USP25: variants seen among roughly 807,000 people sequenced by gnomAD.
USP25 encodes the protein ubiquitin specific peptidase 25.
A neutral mutation model predicts 158.5 loss-of-function variants in USP25; 85 were observed. That is an observed-to-expected ratio of 0.54 (90% CI 0.45 to 0.64). The LOEUF is 0.64. Ranked by LOEUF, USP25 falls within the 30% of genes least tolerant of loss-of-function variation. The pLI is 0.00. For missense variants in USP25, 1,242 were observed against 1,327.3 expected (o/e 0.94, Z 1.00); for synonymous variants, 464 against 460.4 (o/e 1.01, Z -0.10).
chr21:15,765,343 C>G (rs1014287739), intron 2 of USP25, among the ~76,000 whole-genome samples: 1 of 152,102 alleles, frequency 6.6e-6, no homozygotes, highest in South Asian at 2.1e-4. Context: ...CTGGCATCTG[C>G]TTTCTTCTAA....
chr21:15,824,384 G>A (rs1285080351), intron 11 of USP25, among the ~76,000 whole-genome samples: 1 of 152,068 alleles, frequency 6.6e-6, no homozygotes, highest in Non-Finnish European at 1.5e-5. Context: ...GATGAATTTT[G>A]TAATCTTAAA....
intron 20 of USP25, among the ~76,000 whole-genome samples, chr21:15,861,462 T>G (rs185309051): frequency 2.0e-3 from 303 of 152,282 alleles, no homozygotes; most frequent in Admixed American, 4.0e-3. Flanking sequence ...TTAAAATAAT[T>G]AGCATAGACC....
chr21:15,864,167 A>G, intron 20 of USP25, 101 bp from the exon 21 acceptor site: 1 of 1,302,904 alleles, frequency 7.7e-7, no homozygotes, highest in Non-Finnish European at 1.0e-6. Context: ...CCAAAAAAAA[A>G]AAAAAGATTT....
chr21:15,740,879 C>T (rs899414281), intron 1 of USP25, among the ~76,000 whole-genome samples: 10 of 151,612 alleles, frequency 6.6e-5, no homozygotes, highest in African/African-American at 1.9e-4. Flanking sequence ...CTACACCACC[C>T]CCCACCCCCA....
chr21:15,834,853 C>T (rs902285900), intron 17 of USP25, among the ~76,000 whole-genome samples: 1 of 152,196 alleles, frequency 6.6e-6, no homozygotes, highest in African/African-American at 2.4e-5. Context: ...TTTTCCCCCA[C>T]GTGTACAAGG....
intron 4 of USP25, among the ~76,000 whole-genome samples, chr21:15,785,290 T>C (rs1165088697): frequency 6.6e-6 from 1 of 152,116 alleles, no homozygotes; most frequent in Non-Finnish European, 1.5e-5. Flanking sequence ...TAGACTCCAG[T>C]ACAACAATAG....
chr21:15,846,158 ATTTT>A (rs397973617), intron 18 of USP25, among the ~76,000 whole-genome samples: 2 of 23,942 alleles, frequency 8.4e-5, no homozygotes, highest in Non-Finnish European at 1.4e-4. Flanking sequence ...ATATATATAT[ATTTT>A]TTTTTTTTTT....
intron 6 of USP25, among the ~76,000 whole-genome samples, chr21:15,802,982 C>T (rs1174292972): frequency 6.6e-6 from 1 of 151,608 alleles, no homozygotes; most frequent in East Asian, 1.9e-4. Context: ...TCACTACATA[C>T]TCTGTAGACA....
chr21:15,811,290 T>C (rs2036650143), intron 9 of USP25, 80 bp downstream of exon 9: 3 of 1,260,952 alleles, frequency 2.4e-6, no homozygotes, highest in Non-Finnish European at 3.4e-6. Context: ...TACTATTTTT[T>C]TAGTGGACTT....
Position 15,826,988 on chromosome 21 carries a change from A to C in USP25, c.1478A>C (p.Gln493Pro). 6.2e-7 allele frequency: 1 copy of C among 1,613,730 alleles called. No homozygotes were observed. The highest frequency in any genetic ancestry group is 8.5e-7 in the Non-Finnish European group (1 of 1,180,008). The change falls in exon 14 of 26, where the codon CAA (glutamine) becomes CCA (proline). Residue 493 changes from glutamine to proline, a missense_variant. This residue lies in a region of USP25 where 627 missense variants were observed against 701.4 expected (regional missense o/e 0.89). Coordinates refer to ENST00000400183, the MANE Select transcript of USP25 (RefSeq NM_001283041.3). This position sits in a 1 kb window ranked among gnomAD's most constrained non-coding sequence, Gnocchi z 4.8. Reference sequence around the variant, plus strand: ...ATGCTTTGATACAGCACAACAGAACAACAGGGAGCCCTATCTTCAGAACTG... The same window carrying C: ...ATGCTTTGATACAGCACAACAGAACCACAGGGAGCCCTATCTTCAGAACTG... Reference protein sequence around the residue: ...PSQTLPSTTEQQGALSSELPS... With the variant: ...PSQTLPSTTEPQGALSSELPS...
At chr21:15,839,477 A>G (rs2038224228) in intron 17 of USP25, among the ~76,000 whole-genome samples, 2 of 152,182 alleles carry the variant, frequency 1.3e-5, no homozygotes, top group Non-Finnish European at 2.9e-5. Flanking sequence ...AACACAATAT[A>G]ACCAGTACAT....
intron 3 of USP25, among the ~76,000 whole-genome samples, chr21:15,768,784 A>G (rs2034181948): frequency 6.6e-6 from 1 of 152,096 alleles, no homozygotes; most frequent in African/African-American, 2.4e-5. Flanking sequence ...AGTTTCACTT[A>G]ATTCTTTCAA....
At chr21:15,864,561 T>C in intron 21 of USP25, 115 bp downstream of exon 21, 1 of 973,212 alleles carries the variant, frequency 1.0e-6, no homozygotes, top group Non-Finnish European at 1.4e-6. Flanking sequence ...CATATTTTAA[T>C]AAATACGTAA....
chr21:15,847,534 T>C, intron 18 of USP25, 129 bp from the exon 19 acceptor site: 1 of 611,520 alleles, frequency 1.6e-6, no homozygotes, highest in Non-Finnish European at 2.9e-6. Context: ...GCGTTGGAAC[T>C]TTTAAAAATA....
chr21:15,795,617 T>C (rs1476878613), intron 5 of USP25, among the ~76,000 whole-genome samples: 5 of 151,456 alleles, frequency 3.3e-5, no homozygotes, highest in African/African-American at 9.7e-5. Flanking sequence ...ATGTTTTTAC[T>C]TAATCTTGCT....
chr21:15,757,778 A>T (rs2033474584), intron 1 of USP25, among the ~76,000 whole-genome samples: 1 of 152,220 alleles, frequency 6.6e-6, no homozygotes, highest in African/African-American at 2.4e-5. Flanking sequence ...AAATCCCATC[A>T]TCCATGACAA....
At chr21:15,779,612 G>T (rs1263064933) in intron 4 of USP25, among the ~76,000 whole-genome samples, 1 of 151,754 alleles carries the variant, frequency 6.6e-6, no homozygotes, top group African/African-American at 2.4e-5. Flanking sequence ...TATAAAAAGG[G>T]ATGAAGGCTG....
In USP25 at chr21:15,826,742, T is replaced by C. The variant is rs1332543932; in HGVS notation, c.1467-235T>C. On this transcript the variant is annotated intron_variant, in intron 13 of 25. Transcript: ENST00000400183. This position sits in a 1 kb window ranked among gnomAD's most constrained non-coding sequence, Gnocchi z 4.8. Reference sequence around the variant, plus strand: ...TATCACCATGCGTAAGATTTTCTTGTTTTTTAGAAATAAATATGATTAAGC... The same window carrying C: ...TATCACCATGCGTAAGATTTTCTTGCTTTTTAGAAATAAATATGATTAAGC... Among the ~76,000 whole-genome samples the C allele has an allele frequency of 6.6e-6, 1 of 152,184 alleles. No homozygotes were observed. The highest frequency in any genetic ancestry group is 1.5e-5 in the Non-Finnish European group (1 of 68,026).
At chr21:15,789,307 T>C (rs2035463577) in intron 4 of USP25, among the ~76,000 whole-genome samples, 1 of 152,082 alleles carries the variant, frequency 6.6e-6, no homozygotes, top group South Asian at 2.1e-4. Flanking sequence ...TTAGTAATCT[T>C]AGCCCAGATC....
Sources: gnomAD v4.1 joint callset for allele counts (sites outside exome capture counted in the v4.1 genomes callset) on GRCh38, gnomAD v4.1.1 for gene constraint, gnomAD v4.1.1 regional missense constraint, Gnocchi (gnomAD v3.1) non-coding constraint, MANE v1.5 for transcripts, NCBI Gene and HGNC (gene_info 2026-07-23, HGNC 2026-07-21) for gene names.